SMG6: variants seen among roughly 807,000 people sequenced by gnomAD.
SMG6 encodes telomerase-binding protein EST1A.
In SMG6, 66 loss-of-function variants were observed where a neutral mutation model predicts 142.2. The ratio of observed to expected loss-of-function variants is 0.46; its 90% confidence interval spans 0.38 to 0.57. SMG6 has a LOEUF of 0.57. SMG6 is among the 20% of genes least tolerant of loss of function. The pLI, the probability that SMG6 is intolerant of heterozygous loss-of-function variation, is 0.00. For missense variants in SMG6, 1,793 were observed against 1,832.0 expected, an observed-to-expected ratio of 0.98 and a Z score of 0.39; for synonymous variants, 779 against 702.4, an observed-to-expected ratio of 1.11 and a Z score of -1.72.
intron 13 of SMG6, among the ~76,000 whole-genome samples, chr17:2,125,124 T>G (rs539171645): frequency 6.6e-6 from 1 of 152,290 alleles, no homozygotes; most frequent in African/African-American, 2.4e-5. Context: ...TTTTGCTAAT[T>G]TTTTGGAAAA....
intron 6 of SMG6, among the ~76,000 whole-genome samples, chr17:2,291,020 CT>C (rs2151392500): frequency 6.6e-6 from 1 of 152,196 alleles, no homozygotes; most frequent in African/African-American, 2.4e-5. Context: ...ATCAGGTCTC[CT>C]TTGGGGTGAT....
chr17:2,172,994 A>C (rs2071552162), intron 12 of SMG6, 135 bp from the exon 13 acceptor site: 5 of 817,736 alleles, frequency 6.1e-6, no homozygotes, highest in South Asian at 5.1e-5. Flanking sequence ...ATCATACCCC[A>C]AAAATGCTAG....
chr17:2,157,982 A>G (rs114273692), intron 13 of SMG6, among the ~76,000 whole-genome samples: 1,642 of 152,352 alleles, frequency 0.011, 38 homozygotes, highest in African/African-American at 0.038. Context: ...CAGGAGTGGG[A>G]CACATAAATG....
rs1372475750 is a variant in SMG6 at position 2,067,468 on chromosome 17, G to A, written c.3835+1310C>T. Among the ~76,000 whole-genome samples, 3 of 152,172 alleles carry A rather than the reference G, an allele frequency of 2.0e-5. No homozygotes were observed. The East Asian group carries it at 5.8e-4, about 29-fold the overall frequency. The stretch of plus-strand genomic sequence containing the variant: ...CAAAACACTTTCTTTCCCCTGAAAA[G>A]CTCCTGGGTAGGAAAGCAGAGAGAC... On this transcript the variant is annotated intron_variant, in intron 16 of 18. Coordinates refer to ENST00000263073, the MANE Select transcript of SMG6 (RefSeq NM_017575.5).
intron 10 of SMG6, among the ~76,000 whole-genome samples, chr17:2,230,305 C>CAAAAAAAAAAAAAAAAAAAAAAAA (rs869124628): frequency 6.2e-5 from 1 of 16,252 alleles, no homozygotes; most frequent in African/African-American, 2.6e-4. Flanking sequence ...CATGTCGGGG[C>CAAAAAAAAAAAAAAAAAAAAAAAA]AAAAAAAAAA....
chr17:2,257,870 A>G (rs2151326993), intron 8 of SMG6, among the ~76,000 whole-genome samples: 1 of 151,582 alleles, frequency 6.6e-6, no homozygotes, highest in Non-Finnish European at 1.5e-5. Context: ...AAATTAGCTG[A>G]TGGTGGCACA....
chr17:2,222,253 T>C (rs1298690184), intron 10 of SMG6, among the ~76,000 whole-genome samples: 3 of 151,718 alleles, frequency 2.0e-5, no homozygotes. Flanking sequence ...ATCAATAGAA[T>C]TGGAAGATAA....
chr17:2,229,882 G>C (rs2073420557), intron 10 of SMG6, among the ~76,000 whole-genome samples: 1 of 152,030 alleles, frequency 6.6e-6, no homozygotes, highest in Non-Finnish European at 1.5e-5. Context: ...CTCTGAAAAG[G>C]TAGCTGAAAG....
At chr17:2,225,679 G>A (rs910862807) in intron 10 of SMG6, among the ~76,000 whole-genome samples, 4 of 152,160 alleles carry the variant, frequency 2.6e-5, no homozygotes, top group Admixed American at 6.5e-5. Context: ...AAAATTTTAA[G>A]TTTTTCTGTG....
intron 13 of SMG6, among the ~76,000 whole-genome samples, chr17:2,102,972 CT>C (rs2069053005): frequency 6.6e-6 from 1 of 152,178 alleles, no homozygotes; most frequent in Non-Finnish European, 1.5e-5. Context: ...AACAGAATTT[CT>C]TTTTAAAGGC....
chr17:2,213,367 A>G (rs979188003), intron 10 of SMG6, among the ~76,000 whole-genome samples: 4 of 152,190 alleles, frequency 2.6e-5, no homozygotes, highest in Admixed American at 2.6e-4. Flanking sequence ...CAGAGAAGGG[A>G]AATGTGCCAC....
At chr17:2,135,489 A>G (rs566171173) in intron 13 of SMG6, among the ~76,000 whole-genome samples, 1 of 152,170 alleles carries the variant, frequency 6.6e-6, no homozygotes, top group South Asian at 2.1e-4. Context: ...ACCAACCCCA[A>G]TCTTAAAAAC....
chr17:2,186,346 C>T (rs2071983445), intron 12 of SMG6, among the ~76,000 whole-genome samples: 1 of 151,768 alleles, frequency 6.6e-6, no homozygotes. Flanking sequence ...ATCCAGACTC[C>T]AGAGGCAGCT....
chr17:2,130,695 T>C (rs2070091997), intron 13 of SMG6, among the ~76,000 whole-genome samples: 1 of 151,796 alleles, frequency 6.6e-6, no homozygotes, highest in East Asian at 1.9e-4. Context: ...TTTTTTTTCA[T>C]GTAAAATTGC....
intron 12 of SMG6, among the ~76,000 whole-genome samples, chr17:2,178,661 A>G (rs1055579100): frequency 3.9e-5 from 6 of 152,108 alleles, no homozygotes; most frequent in South Asian, 2.1e-4. Flanking sequence ...ACTGCCCCCA[A>G]TATGTTCGGG....
intron 8 of SMG6, among the ~76,000 whole-genome samples, chr17:2,273,072 A>G (rs1228258448): frequency 1.3e-5 from 2 of 152,194 alleles, no homozygotes; most frequent in Admixed American, 1.3e-4. Context: ...AAGTGCAAGA[A>G]GGCTGTGATG....
chr17:2,060,070 C>CA lies in SMG6; in HGVS notation c.*1421dup, dbSNP rs1358765600. 9 of 152,848 alleles carry CA rather than the reference C, an allele frequency of 5.9e-5. No homozygotes were observed. The highest frequency in any genetic ancestry group is 1.2e-4 in the Non-Finnish European group (8 of 68,552). 9.5% of individuals were successfully genotyped at this position (152,848 alleles called of 1,614,324 possible). On this transcript the variant is annotated 3_prime_UTR_variant, in exon 19 of 19. Transcript: ENST00000263073. ...GCCTTGGCTCCCCTACACGGTACCCCATCGCTTCTGGCATAGTCCTGGGCC... is the reference window on the plus strand; with the variant it reads ...GCCTTGGCTCCCCTACACGGTACCCCAATCGCTTCTGGCATAGTCCTGGGCC...
rs894153314 is a variant in SMG6 at position 2,298,160 on chromosome 17, A to T, written c.1848-105T>A. 3.8e-5 allele frequency: 39 copies of T among 1,021,888 alleles called. 1 individual carries two copies. The highest frequency in any genetic ancestry group is 5.4e-5 in the Non-Finnish European group (39 of 718,794). 63.3% of individuals were successfully genotyped at this position (1,021,888 alleles called of 1,614,324 possible). On this transcript the variant is annotated intron_variant, in intron 2 of 18. Transcript: ENST00000263073. Reference sequence around the variant, plus strand: ...TTAACCACCTCCCCTGGCAGGAAATAAAAAATGTGACCAGGTAGGTATACT... The same window carrying T: ...TTAACCACCTCCCCTGGCAGGAAATTAAAAATGTGACCAGGTAGGTATACT...
In SMG6 at chr17:2,297,263, T is replaced by G. The variant is rs749335967; in HGVS notation, c.2131A>C (p.Ser711Arg). ...CTTACTGTCTTGCGTAATGGCTTGC[T>G]GCGAATGGCAAGACCATCCATGTAG... ...EDYMDGLAIR[S>R]KPLRKTVKYA... Residue 711 changes from serine to arginine, a missense_variant, in exon 4 of 19, where the codon AGC (serine) becomes CGC (arginine). Coordinates refer to ENST00000263073, the MANE Select transcript of SMG6 (RefSeq NM_017575.5). The G allele has an allele frequency of 6.2e-7, 1 of 1,607,116 alleles. No homozygotes were observed. The highest frequency in any genetic ancestry group is 8.5e-7 in the Non-Finnish European group (1 of 1,177,892).
Sources: gnomAD v4.1 joint callset for allele counts (sites outside exome capture counted in the v4.1 genomes callset) on GRCh38, gnomAD v4.1.1 for gene constraint, MANE v1.5 for transcripts, NCBI Gene and HGNC (gene_info 2026-07-23, HGNC 2026-07-21) for gene names.